Variants in ADGB observed in about 807,000 individuals in gnomAD.
ADGB encodes calpain-7-like protein.
A neutral mutation model predicts 210.5 loss-of-function variants in ADGB; 172 were observed. The ratio of observed to expected loss-of-function variants is 0.82; its 90% confidence interval spans 0.72 to 0.93. The LOEUF (loss-of-function observed/expected upper bound fraction) is 0.93. ADGB is among the 40% of genes least tolerant of loss of function. The pLI is 0.00. For missense variants in ADGB, 2,025 were observed against 1,964.8 expected, an observed-to-expected ratio of 1.03 and a Z score of -0.58; for synonymous variants, 658 against 662.7, an observed-to-expected ratio of 0.99 and a Z score of 0.11.
intron 30 of ADGB, among the ~76,000 whole-genome samples, chr6:146,783,793 C>G (rs1777834920): frequency 6.6e-6 from 1 of 152,168 alleles, no homozygotes; most frequent in Non-Finnish European, 1.5e-5. Flanking sequence ...ATCCTCTCTT[C>G]CTACCCAATT....
intron 1 of ADGB, among the ~76,000 whole-genome samples, chr6:146,625,851 C>T (rs1331473670): frequency 6.6e-6 from 1 of 151,914 alleles, no homozygotes; most frequent in African/African-American, 2.4e-5. Context: ...ACAGTTAGAT[C>T]TTGTTTTTTT....
At chr6:146,621,309 G>T (rs1301289620) in intron 1 of ADGB, among the ~76,000 whole-genome samples, 1 of 152,022 alleles carries the variant, frequency 6.6e-6, no homozygotes, top group African/African-American at 2.4e-5. Flanking sequence ...CACCCCCACT[G>T]ACTGGAGCAC....
chr6:146,644,845 C>T lies in ADGB; in HGVS notation c.310C>T (p.Gln104Ter). ...SLKIYSWKRP[Q>*]DILFSQTPVV... ...GAAAATTTATTCCTGGAAACGTCCA[C>T]AAGATATTTTATTTAGTCAGGTAAG... The change falls in exon 3 of 36, where the codon CAA becomes TAA. Residue 104 changes from glutamine to a stop codon, truncating the protein, a stop_gained. Transcript: ENST00000397944. LOFTEE classifies it high-confidence loss of function. 1 of 1,486,680 alleles carries T rather than the reference C, an allele frequency of 6.7e-7. No homozygotes were observed. Among genetic ancestry groups the T allele is most frequent in the Non-Finnish European group, 9.0e-7 (1 of 1,117,282 alleles). 92.1% of individuals were successfully genotyped at this position (1,486,680 alleles called of 1,614,324 possible). A position where few individuals can be genotyped will look rare whatever the true frequency, so the allele number is the denominator to read the frequency against.
intron 9 of ADGB, among the ~76,000 whole-genome samples, chr6:146,683,081 T>C (rs1030557047): frequency 3.3e-5 from 5 of 152,052 alleles, no homozygotes; most frequent in African/African-American, 1.2e-4. Context: ...AAGGGTGAGT[T>C]TGGCTATGGG....
rs62434399 is a variant in ADGB, at chr6:146,808,961, G to A, written c.4819-6071G>A. ...AGTGGCCATTGCGATCGTGGAGGCC[G>A]CGAAGGCCTCGAGCTGTGGGAGCCC... On this transcript the variant is annotated intron_variant, in intron 35 of 35. Coordinates refer to ENST00000397944, the MANE Select transcript of ADGB (RefSeq NM_024694.4). Among the ~76,000 whole-genome samples the A allele has an allele frequency of 8.5e-3, 1,299 of 152,064 alleles. 5 individuals are homozygous for A. Among genetic ancestry groups the A allele is most frequent in the Non-Finnish European group, 0.012 (835 of 67,974 alleles).
At chr6:146,628,903 T>G (rs1260267786) in intron 1 of ADGB, among the ~76,000 whole-genome samples, 1 of 152,112 alleles carries the variant, frequency 6.6e-6, no homozygotes, top group Non-Finnish European at 1.5e-5. Context: ...ATTTAGGAAC[T>G]GGCAATACGG....
chr6:146,658,450 G>A (rs890536026), intron 5 of ADGB, among the ~76,000 whole-genome samples: 14 of 152,098 alleles, frequency 9.2e-5, no homozygotes, highest in African/African-American at 3.1e-4. Context: ...GAAAAGCGAG[G>A]AGATAAAATG....
intron 1 of ADGB, among the ~76,000 whole-genome samples, chr6:146,616,093 G>T (rs1780794539): frequency 6.6e-6 from 1 of 151,846 alleles, no homozygotes; most frequent in East Asian, 1.9e-4. Flanking sequence ...TTGTCTTTTT[G>T]ATAACAGTCA....
At chr6:146,698,929 C>G (rs1247549156) in intron 12 of ADGB, among the ~76,000 whole-genome samples, 1 of 151,980 alleles carries the variant, frequency 6.6e-6, no homozygotes, top group Non-Finnish European at 1.5e-5. Flanking sequence ...ATGTAATAAA[C>G]CTGATCACAT....
intron 11 of ADGB, among the ~76,000 whole-genome samples, 163 bp downstream of exon 11, chr6:146,691,453 T>TAAA (rs1776318552): frequency 5.1e-5 from 1 of 19,506 alleles, no homozygotes; most frequent in Non-Finnish European, 8.1e-5. Flanking sequence ...AAAATATATA[T>TAAA]ATATAAAAAT....
At chr6:146,622,745 T>C (rs576180333) in intron 1 of ADGB, among the ~76,000 whole-genome samples, 30 of 152,174 alleles carry the variant, frequency 2.0e-4, no homozygotes, top group African/African-American at 6.7e-4. Context: ...TCTTAATAAA[T>C]TTTTTACTTA....
In ADGB at chr6:146,726,083, G is replaced by C; in HGVS notation, c.2238G>C (p.Gly746=). ...TKATVVRLPV[G]RHMLLFNAYS... ...ATCATCCGGCATCCCTTCTCTTTAG[G>C]AGACACATGCTACTCTTCAACGCAT... Residue 746 remains glycine, a splice_region_variant and synonymous_variant, in exon 19 of 36, where the codon GGG becomes GGC. Transcript: ENST00000397944. 1.3e-6 allele frequency: 2 copies of C among 1,519,566 alleles called. No individual in the cohort carries two copies. Among genetic ancestry groups the C allele is most frequent in the Non-Finnish European group, 1.8e-6 (2 of 1,121,636 alleles). The allele number at this position is 1,519,566 out of a possible 1,614,324, so 94.1% of individuals were successfully genotyped here. A position where few individuals can be genotyped will look rare whatever the true frequency, so the allele number is the denominator to read the frequency against.
At position 146,599,025 on chromosome 6, in the gene ADGB, T is replaced by A. The variant is rs1780509520; in HGVS notation, c.-16T>A. 7.7e-6 allele frequency: 12 copies of A among 1,550,452 alleles called. No homozygotes were observed. The highest frequency in any genetic ancestry group is 4.1e-5 in the African/African-American group (3 of 73,168). On this transcript the variant is annotated 5_prime_UTR_variant, in exon 1 of 36. Transcript: ENST00000397944. ...TCTTTGCTCAGAGCTCAGCCCTACA[T>A]AGATCGGCTTCTGCCATGGCCTCCA...
chr6:146,636,370 T>C (rs1277683264), intron 2 of ADGB, among the ~76,000 whole-genome samples: 2 of 152,064 alleles, frequency 1.3e-5, no homozygotes, highest in Admixed American at 6.6e-5. Flanking sequence ...ATGATTCATA[T>C]TGGTCAATTT....
At chr6:146,763,040 G>A (rs1278179215) in intron 27 of ADGB, among the ~76,000 whole-genome samples, 1 of 152,092 alleles carries the variant, frequency 6.6e-6, no homozygotes, top group Admixed American at 6.6e-5. Context: ...AATTTTACTT[G>A]TTGCAGGAGC....
chr6:146,599,024 A>T lies in ADGB; in HGVS notation c.-17A>T. ...CTCTTTGCTCAGAGCTCAGCCCTAC[A>T]TAGATCGGCTTCTGCCATGGCCTCC... On this transcript the variant is annotated 5_prime_UTR_variant, in exon 1 of 36. Transcript: ENST00000397944. 1 of 1,550,312 alleles carries T rather than the reference A, an allele frequency of 6.5e-7. No individual in the cohort carries two copies. Among genetic ancestry groups the T allele is most frequent in the African/African-American group, 1.4e-5 (1 of 73,162 alleles).
intron 6 of ADGB, among the ~76,000 whole-genome samples, chr6:146,665,468 C>T (rs1193192008): frequency 2.6e-5 from 4 of 151,868 alleles, no homozygotes; most frequent in African/African-American, 7.3e-5. Flanking sequence ...GTATTCATAC[C>T]GGTGGCATGT....
chr6:146,686,410 C>T (rs1364679685), intron 10 of ADGB, among the ~76,000 whole-genome samples: 1 of 152,008 alleles, frequency 6.6e-6, no homozygotes, highest in Non-Finnish European at 1.5e-5. Context: ...GCCCTATTAA[C>T]ATTTTGGCAT....
At position 146,743,264 on chromosome 6, in the gene ADGB, G is replaced by A. The variant is rs142384502; in HGVS notation, c.3177+1993G>A. On this transcript the variant is annotated intron_variant, in intron 25 of 35. Coordinates refer to ENST00000397944, the MANE Select transcript of ADGB (RefSeq NM_024694.4). ...TCATCAAATTCTAGCAATGAATTTT[G>A]TATTACTAGATAAATATACTAATGC... Among the ~76,000 whole-genome samples the A allele has an allele frequency of 6.0e-3, 914 of 152,252 alleles. 6 individuals carry two copies. Among genetic ancestry groups the A allele is most frequent in the Admixed American group, 0.012 (180 of 15,288 alleles).
Sources: gnomAD v4.1 joint callset for allele counts (sites outside exome capture counted in the v4.1 genomes callset) on GRCh38, gnomAD v4.1.1 for gene constraint, MANE v1.5 for transcripts, NCBI Gene and HGNC (gene_info 2026-07-23, HGNC 2026-07-21) for gene names.